MAPKAP1: variants seen among roughly 807,000 people sequenced by gnomAD.
The protein encoded by MAPKAP1 is MAPK associated protein 1.
A neutral mutation model predicts 65.7 loss-of-function variants in MAPKAP1; 20 were observed. The ratio of observed to expected loss-of-function variants is 0.30; its 90% CI spans 0.21 to 0.44. MAPKAP1 has a LOEUF of 0.44. Among genes scored for constraint, MAPKAP1 ranks in the 20% least tolerant of loss-of-function variants. MAPKAP1 has a pLI of 1.00. For missense variants in MAPKAP1, 423 were observed against 648.0 expected, an observed-to-expected ratio of 0.65 and a Z score of 3.77; for synonymous variants, 222 against 244.3, an observed-to-expected ratio of 0.91 and a Z score of 0.85.
chr9:125,482,637 G>A (rs1217150907), intron 9 of MAPKAP1, among the ~76,000 whole-genome samples: 1 of 152,174 alleles, frequency 6.6e-6, no homozygotes, highest in East Asian at 1.9e-4. Context: ...AACTTTAAGT[G>A]AAATGATGTA....
At chr9:125,541,585 G>T (rs1830249742) in intron 7 of MAPKAP1, among the ~76,000 whole-genome samples, 1 of 152,142 alleles carries the variant, frequency 6.6e-6, no homozygotes, top group Admixed American at 6.5e-5. Flanking sequence ...ATTGGCACCT[G>T]GAACCCCAAA....
intron 9 of MAPKAP1, among the ~76,000 whole-genome samples, chr9:125,477,416 G>A (rs1854150012): frequency 6.6e-6 from 1 of 152,070 alleles, no homozygotes; most frequent in South Asian, 2.1e-4. Flanking sequence ...AGAGATAAGG[G>A]GTAAGAAAGT....
chr9:125,519,661 T>TATAC (rs1420677243), intron 7 of MAPKAP1, among the ~76,000 whole-genome samples: 1 of 147,334 alleles, frequency 6.8e-6, no homozygotes, highest in African/African-American at 2.5e-5. Context: ...TTTATATATA[T>TATAC]ATATATATAT....
At chr9:125,683,083 G>A (rs1330705315) in intron 1 of MAPKAP1, among the ~76,000 whole-genome samples, 1 of 151,568 alleles carries the variant, frequency 6.6e-6, no homozygotes, top group East Asian at 1.9e-4. Flanking sequence ...AGCCTCCCTA[G>A]TAGCTGAGAT....
At chr9:125,472,666 T>TA (rs972760290) in intron 9 of MAPKAP1, among the ~76,000 whole-genome samples, 1 of 152,164 alleles carries the variant, frequency 6.6e-6, no homozygotes, top group African/African-American at 2.4e-5. Context: ...TTCTCCAACT[T>TA]AAGTGGCCAG....
chr9:125,698,294 T>TATATATATATAAA (rs1835469222), intron 1 of MAPKAP1, among the ~76,000 whole-genome samples: 2 of 6,320 alleles, frequency 3.2e-4, no homozygotes, highest in African/African-American at 1.4e-3. Context: ...TATAAATATA[T>TATATATATATAAA]ATATATATAT....
At chr9:125,534,299 T>C (rs1830013672) in intron 7 of MAPKAP1, among the ~76,000 whole-genome samples, 1 of 152,242 alleles carries the variant, frequency 6.6e-6, no homozygotes, top group South Asian at 2.1e-4. Context: ...CTTCATTTTT[T>C]ACTTCACACA....
intron 4 of MAPKAP1, among the ~76,000 whole-genome samples, chr9:125,623,951 A>G (rs1456178393): frequency 6.6e-4 from 8 of 12,202 alleles, no homozygotes; most frequent in African/African-American, 9.9e-4. Flanking sequence ...CAGCCCCCCC[A>G]CCCGGCCAGC....
At chr9:125,477,287 A>T (rs2133014826) in intron 9 of MAPKAP1, among the ~76,000 whole-genome samples, 1 of 152,320 alleles carries the variant, frequency 6.6e-6, no homozygotes. Flanking sequence ...TACACTGATA[A>T]ATGAGGCAAA....
At chr9:125,620,063 C>CT in intron 4 of MAPKAP1, among the ~76,000 whole-genome samples, 1 of 152,338 alleles carries the variant, frequency 6.6e-6, no homozygotes, top group African/African-American at 2.4e-5. Flanking sequence ...AATCCCAACA[C>CT]TTTGGGAGAC....
chr9:125,454,042 A>T (rs1853063957), intron 10 of MAPKAP1, among the ~76,000 whole-genome samples: 1 of 152,226 alleles, frequency 6.6e-6, no homozygotes, highest in Non-Finnish European at 1.5e-5. Context: ...TTCAAGTTAT[A>T]ATAAGGTTCC....
Position 125,603,094 on chromosome 9 carries a change from G to A in MAPKAP1, c.499-17367C>T, listed in dbSNP as rs1002664780. On this transcript the variant is annotated intron_variant, in intron 4 of 11. Coordinates refer to ENST00000265960, the MANE Select transcript of MAPKAP1 (RefSeq NM_001006617.3). ...TCTTTCTTTCTTTTTTTTTTATAGAGACAGAGTCTCAATTATGTTGCCCAG... is the reference window on the plus strand; with the variant it reads ...TCTTTCTTTCTTTTTTTTTTATAGAAACAGAGTCTCAATTATGTTGCCCAG... Among the ~76,000 whole-genome samples the A allele has an allele frequency of 4.0e-5, 6 of 151,340 alleles. No homozygotes were observed. In the East Asian group the frequency reaches 1.2e-3, roughly 29 times the overall value.
In MAPKAP1 at chr9:125,439,683, G is replaced by A. The variant is rs962789586; in HGVS notation, c.1444-671C>T. 4.6e-5 allele frequency among the ~76,000 whole-genome samples: 7 copies of A among 152,394 alleles called. No homozygotes were observed. Among genetic ancestry groups the A allele is most frequent in the African/African-American group, 1.7e-4 (7 of 41,606 alleles). ...TGGGCTCCTCTCAGGCCTTCTGCAC[G>A]CTGCTGCTTCCACGAAGCCCTGGGA... On this transcript the variant is annotated intron_variant, in intron 11 of 11. Transcript: ENST00000265960. The surrounding 1 kb of genome is among the most constrained non-coding windows in gnomAD (Gnocchi z 4.0).
At chr9:125,602,587 C>T (rs1832330175) in intron 4 of MAPKAP1, among the ~76,000 whole-genome samples, 2 of 152,128 alleles carry the variant, frequency 1.3e-5, no homozygotes, top group Non-Finnish European at 2.9e-5. Context: ...CTGACAGTCT[C>T]GATGGGAGAC....
intron 3 of MAPKAP1, among the ~76,000 whole-genome samples, chr9:125,660,928 T>G (rs752324113): frequency 6.6e-6 from 1 of 151,388 alleles, no homozygotes; most frequent in Non-Finnish European, 1.5e-5. Flanking sequence ...CCTGACCACA[T>G]GAAAAGAAAA....
intron 7 of MAPKAP1, among the ~76,000 whole-genome samples, chr9:125,518,653 G>C (rs1316620845): frequency 1.3e-5 from 2 of 152,164 alleles, no homozygotes; most frequent in African/African-American, 2.4e-5. Context: ...CTGGGCAACA[G>C]AGCAAGACCA....
intron 7 of MAPKAP1, among the ~76,000 whole-genome samples, chr9:125,510,978 A>G (rs1315112997): frequency 2.6e-5 from 4 of 152,152 alleles, no homozygotes; most frequent in Non-Finnish European, 5.9e-5. Context: ...AGTCCTGGCC[A>G]AGCAATTTTG....
intron 1 of MAPKAP1, among the ~76,000 whole-genome samples, chr9:125,690,014 G>C (rs1835118889): frequency 6.6e-6 from 1 of 152,160 alleles, no homozygotes; most frequent in Admixed American, 6.5e-5. Flanking sequence ...CTTGAACCCA[G>C]GAGGCGGAGG....
intron 8 of MAPKAP1, among the ~76,000 whole-genome samples, chr9:125,503,445 T>C (rs1221494111): frequency 3.3e-5 from 5 of 152,340 alleles, no homozygotes; most frequent in Middle Eastern, 3.4e-3. Flanking sequence ...GACATGGCCA[T>C]TGATTCTTTT....
Sources: gnomAD v4.1 joint callset for allele counts (sites outside exome capture counted in the v4.1 genomes callset) on GRCh38, gnomAD v4.1.1 for gene constraint, Gnocchi (gnomAD v3.1) non-coding constraint, MANE v1.5 for transcripts, NCBI Gene and HGNC (gene_info 2026-07-23, HGNC 2026-07-21) for gene names.